The following GRIN2B variants were observed in gnomAD, a reference collection of about 807,000 sequenced individuals.
The protein encoded by GRIN2B is glutamate ionotropic receptor NMDA type subunit 2B, also known as glutamate receptor ionotropic, NMDA 2B.
A neutral mutation model predicts 114.5 loss-of-function variants in GRIN2B; 5 were observed. The ratio of observed to expected loss-of-function variants is 0.04; its 90% CI spans 0.02 to 0.09. GRIN2B has a LOEUF of 0.09. GRIN2B is among the 10% of genes least tolerant of loss of function. The pLI, the probability that GRIN2B is intolerant of heterozygous loss-of-function variation, is 1.00. For synonymous variants in GRIN2B, 787 were observed against 745.1 expected, an observed-to-expected ratio of 1.06 and a Z score of -0.92; for missense variants, 1,108 against 1,943.5, an observed-to-expected ratio of 0.57 and a Z score of 8.08.
intron 2 of GRIN2B, among the ~76,000 whole-genome samples, chr12:13,907,624 G>A (rs1866562973): frequency 6.6e-6 from 1 of 152,136 alleles, no homozygotes; most frequent in Admixed American, 6.5e-5. Flanking sequence ...ACATAACAGG[G>A]AATGGTATTG....
At chr12:13,794,546 C>G (rs1254820282) in intron 3 of GRIN2B, among the ~76,000 whole-genome samples, 1 of 152,202 alleles carries the variant, frequency 6.6e-6, no homozygotes, top group African/African-American at 2.4e-5. Flanking sequence ...TCACAAAGAT[C>G]CAGTGGCATC....
At chr12:13,885,916 G>T (rs2136770260) in intron 2 of GRIN2B, among the ~76,000 whole-genome samples, 1 of 152,232 alleles carries the variant, frequency 6.6e-6, no homozygotes, top group South Asian at 2.1e-4. Flanking sequence ...TGGCAAAATT[G>T]GCCAATATTT....
intron 10 of GRIN2B, among the ~76,000 whole-genome samples, chr12:13,584,913 T>C (rs1948899072): frequency 6.6e-6 from 1 of 152,228 alleles, no homozygotes. Flanking sequence ...GTGTTATTAC[T>C]GTCCACTGCA....
intron 13 of GRIN2B, 63 bp downstream of exon 13, chr12:13,566,961 CT>C (rs1948648411): frequency 7.1e-6 from 8 of 1,121,760 alleles, no homozygotes; most frequent in South Asian, 4.9e-5. Flanking sequence ...GTTCTCTCTG[CT>C]TTGCACAGTG....
intron 5 of GRIN2B, among the ~76,000 whole-genome samples, chr12:13,651,763 C>G (rs1047692632): frequency 2.4e-4 from 37 of 152,044 alleles, no homozygotes; most frequent in African/African-American, 8.7e-4. Context: ...AGAAATTAGT[C>G]CAGTGGTCTA....
intron 3 of GRIN2B, among the ~76,000 whole-genome samples, chr12:13,821,837 C>A (rs1864944008): frequency 6.6e-6 from 1 of 152,124 alleles, no homozygotes; most frequent in Non-Finnish European, 1.5e-5. Context: ...GTTCTTTTAC[C>A]AACCAAACTT....
intron 2 of GRIN2B, among the ~76,000 whole-genome samples, chr12:13,979,496 C>A (rs1325299153): frequency 1.4e-5 from 2 of 138,054 alleles, no homozygotes; most frequent in African/African-American, 5.5e-5. Context: ...GGGAGAGAGG[C>A]ATGAAGGTGA....
chr12:13,948,131 A>C (rs1476047772), intron 2 of GRIN2B, among the ~76,000 whole-genome samples: 1 of 152,206 alleles, frequency 6.6e-6, no homozygotes, highest in African/African-American at 2.4e-5. Flanking sequence ...ACATGCATAA[A>C]TATGATACAA....
chr12:13,972,858 G>T (rs1317453911), intron 2 of GRIN2B, among the ~76,000 whole-genome samples: 3 of 152,238 alleles, frequency 2.0e-5, no homozygotes, highest in Non-Finnish European at 2.9e-5. Context: ...AAGATTTTGG[G>T]GCCTACTATA....
At chr12:13,817,808 C>T (rs997703619) in intron 3 of GRIN2B, among the ~76,000 whole-genome samples, 3 of 152,190 alleles carry the variant, frequency 2.0e-5, no homozygotes, top group Non-Finnish European at 2.9e-5. Context: ...AACTAAAATG[C>T]TCTGTCATTA....
intron 4 of GRIN2B, among the ~76,000 whole-genome samples, chr12:13,733,874 A>G (rs969406854): frequency 6.6e-5 from 10 of 152,216 alleles, no homozygotes; most frequent in Non-Finnish European, 1.3e-4. Flanking sequence ...CATCTCTTGT[A>G]AGACATTATT....
chr12:13,697,533 C>T (rs1296265821), intron 4 of GRIN2B, among the ~76,000 whole-genome samples: 1 of 152,176 alleles, frequency 6.6e-6, no homozygotes, highest in African/African-American at 2.4e-5. Context: ...TTGACAGTGA[C>T]ATTCCAAAAG....
At chr12:13,944,956 G>A (rs901003221) in intron 2 of GRIN2B, among the ~76,000 whole-genome samples, 4 of 152,026 alleles carry the variant, frequency 2.6e-5, no homozygotes, top group African/African-American at 9.7e-5. Context: ...TTTAAGTTCT[G>A]GACTGTTGGT....
chr12:13,705,958 A>G (rs1181407275), intron 4 of GRIN2B, among the ~76,000 whole-genome samples: 1 of 152,250 alleles, frequency 6.6e-6, no homozygotes, highest in East Asian at 1.9e-4. Context: ...CACAGGAGCA[A>G]ACAAATTAAA....
At chr12:13,929,174 T>C (rs539058836) in intron 2 of GRIN2B, among the ~76,000 whole-genome samples, 3 of 152,338 alleles carry the variant, frequency 2.0e-5, no homozygotes, top group Non-Finnish European at 4.4e-5. Context: ...TCATTATCAA[T>C]AATCCTTAAG....
intron 2 of GRIN2B, among the ~76,000 whole-genome samples, chr12:13,905,592 C>T (rs1055217793): frequency 1.3e-5 from 2 of 152,098 alleles, no homozygotes; most frequent in South Asian, 2.1e-4. Context: ...CTATTCACTA[C>T]CCTTGAAAAT....
In GRIN2B at chr12:13,961,048, G is replaced by A. The variant is rs1026084489; in HGVS notation, c.-19+18880C>T. ...ACAAAGGCTGGTCATGCCGTCATTC[G>A]TGATGATGGGCTCTGGAAGAAAGGA... On this transcript the variant is annotated intron_variant, in intron 2 of 13. Transcript: ENST00000609686. Among the ~76,000 whole-genome samples the A allele has an allele frequency of 4.6e-5, 7 of 152,100 alleles. No homozygotes were observed. The South Asian group carries it at 6.2e-4, about 14-fold the overall frequency.
chr12:13,565,520 C>G (rs921497150), intron 13 of GRIN2B, among the ~76,000 whole-genome samples: 3 of 152,112 alleles, frequency 2.0e-5, no homozygotes, highest in Non-Finnish European at 4.4e-5. Context: ...TTGAAGGACA[C>G]CGTGCAGGAG....
intron 4 of GRIN2B, among the ~76,000 whole-genome samples, chr12:13,729,394 T>C (rs1023353136): frequency 6.6e-6 from 1 of 152,172 alleles, no homozygotes; most frequent in African/African-American, 2.4e-5. Flanking sequence ...CTCTCCCGTT[T>C]TTATGTAGCT....
Sources: gnomAD v4.1 joint callset for allele counts (sites outside exome capture counted in the v4.1 genomes callset) on GRCh38, gnomAD v4.1.1 for gene constraint, MANE v1.5 for transcripts, NCBI Gene and HGNC (gene_info 2026-07-23, HGNC 2026-07-21) for gene names.